Variants in STX8 observed in about 807,000 individuals in gnomAD.
STX8 encodes the protein syntaxin-8.
STX8 carries 23 observed loss-of-function variants against 37.5 expected under a neutral mutation model. The observed-to-expected ratio is 0.61, with a 90% confidence interval of 0.44 to 0.87. The LOEUF is 0.87. Ranked by LOEUF, STX8 falls within the 40% of genes least tolerant of loss-of-function variation. The pLI, the probability that STX8 is intolerant of heterozygous loss-of-function variation, is 0.00. For missense variants in STX8, 313 were observed against 284.7 expected, an observed-to-expected ratio of 1.10 and a Z score of -0.71; for synonymous variants, 115 against 99.1, an observed-to-expected ratio of 1.16 and a Z score of -0.95.
At chr17:9,491,777 C>T in intron 6 of STX8, 52 bp downstream of exon 6, 4 of 1,451,016 alleles carry the variant, frequency 2.8e-6, no homozygotes, top group Non-Finnish European at 3.8e-6. Context: ...ATGCTCAAGC[C>T]TTTAGTATTT....
At chr17:9,409,507 A>G (rs1180901201) in intron 6 of STX8, among the ~76,000 whole-genome samples, 2 of 152,178 alleles carry the variant, frequency 1.3e-5, no homozygotes, top group African/African-American at 4.8e-5. Context: ...CTAAACATTA[A>G]TTTTAGTTGT....
At chr17:9,508,459 C>T (rs1904916110) in intron 4 of STX8, among the ~76,000 whole-genome samples, 1 of 152,200 alleles carries the variant, frequency 6.6e-6, no homozygotes, top group South Asian at 2.1e-4. Flanking sequence ...TCCTGAGTAG[C>T]TGGGACTACA....
At chr17:9,387,698 A>G (rs1466470580) in intron 6 of STX8, among the ~76,000 whole-genome samples, 1 of 152,186 alleles carries the variant, frequency 6.6e-6, no homozygotes, top group Admixed American at 6.5e-5. Flanking sequence ...AGCTTGGTAC[A>G]CTGTTCTCAC....
intron 7 of STX8, among the ~76,000 whole-genome samples, chr17:9,375,324 CCAGCT>C (rs1450521883): frequency 6.6e-6 from 1 of 152,098 alleles, no homozygotes; most frequent in Non-Finnish European, 1.5e-5. Flanking sequence ...ACTTAAGAGT[CCAGCT>C]CAGAAGACAT....
intron 7 of STX8, among the ~76,000 whole-genome samples, chr17:9,260,432 G>T (rs11869191): frequency 0.52 from 78,580 of 151,996 alleles, 23,426 homozygotes; most frequent in African/African-American, 0.83. Context: ...GAGACCAGCC[G>T]GGCCAACATG....
chr17:9,555,651 C>CT lies in STX8; in HGVS notation c.212+1782dup, dbSNP rs1335100580. On this transcript the variant is annotated intron_variant, in intron 3 of 7. Coordinates refer to ENST00000306357, the MANE Select transcript of STX8 (RefSeq NM_004853.3). Reference sequence around the variant, plus strand: ...GTGGCTCACGCCTGTAATCCCACCACTTTGGGAGGCTGAGGCGGGCGGATT... The same window carrying CT: ...GTGGCTCACGCCTGTAATCCCACCACTTTTGGGAGGCTGAGGCGGGCGGATT... 4 of 152,228 alleles carry CT rather than the reference C, an allele frequency of 2.6e-5. No individual in the cohort carries two copies. The South Asian group carries it at 8.3e-4, about 32-fold the overall frequency. 9.4% of individuals were successfully genotyped at this position (152,228 alleles called of 1,614,324 possible). A position where few individuals can be genotyped will look rare whatever the true frequency, so the allele number is the denominator to read the frequency against.
chr17:9,342,980 C>T (rs923898700), intron 7 of STX8, among the ~76,000 whole-genome samples: 2 of 146,662 alleles, frequency 1.4e-5, no homozygotes, highest in Non-Finnish European at 3.0e-5. Flanking sequence ...AAGATTGTGC[C>T]ATTGCACTCC....
In STX8 at chr17:9,541,026, C is replaced by T. The variant is rs759733845; in HGVS notation, c.323+4146G>A. ...TGGGCATGAAGAGCAGAAGGCAGTC[C>T]CAGTGGCAGGACCCAAGAGGTCCTC... On this transcript the variant is annotated intron_variant, in intron 4 of 7. Coordinates refer to ENST00000306357, the MANE Select transcript of STX8 (RefSeq NM_004853.3). Among the ~76,000 whole-genome samples, 9 of 152,250 alleles carry T rather than the reference C, an allele frequency of 5.9e-5. 1 individual carries two copies. Among genetic ancestry groups the T allele is most frequent in the Non-Finnish European group, 1.3e-4 (9 of 68,024 alleles).
At chr17:9,547,937 TCCA>T (rs893177602) in intron 3 of STX8, among the ~76,000 whole-genome samples, 2 of 151,218 alleles carry the variant, frequency 1.3e-5, no homozygotes, top group African/African-American at 4.9e-5. Flanking sequence ...ATTACAGGTG[TCCA>T]CCACCACACC....
intron 7 of STX8, among the ~76,000 whole-genome samples, chr17:9,285,920 C>T (rs1249154753): frequency 6.6e-6 from 1 of 152,172 alleles, no homozygotes; most frequent in East Asian, 1.9e-4. Context: ...TTACTCAATA[C>T]TTCTGAAAAA....
chr17:9,545,695 C>A (rs1781462446), intron 3 of STX8, among the ~76,000 whole-genome samples: 1 of 152,200 alleles, frequency 6.6e-6, no homozygotes, highest in South Asian at 2.1e-4. Flanking sequence ...GTTCTCCTGC[C>A]TCAGCCTCCC....
chr17:9,299,001 C>G (rs949206846), intron 7 of STX8, among the ~76,000 whole-genome samples: 1 of 152,160 alleles, frequency 6.6e-6, no homozygotes, highest in Non-Finnish European at 1.5e-5. Context: ...ACTCACCTTC[C>G]CACCTGGTTT....
At chr17:9,391,016 CATATCAAAGTT>C (rs1305833220) in intron 6 of STX8, among the ~76,000 whole-genome samples, 12 of 152,212 alleles carry the variant, frequency 7.9e-5, no homozygotes, top group African/African-American at 2.6e-4. Flanking sequence ...TCATTATTAC[CATATCAAAGTT>C]AAGTTTCTTG....
chr17:9,424,832 G>A (rs891668259), intron 6 of STX8, among the ~76,000 whole-genome samples: 4 of 152,138 alleles, frequency 2.6e-5, no homozygotes, highest in Non-Finnish European at 4.4e-5. Context: ...TATATCTTCC[G>A]AGGATGCAAA....
intron 6 of STX8, among the ~76,000 whole-genome samples, chr17:9,414,069 T>C (rs60123812): frequency 1.7e-4 from 19 of 114,464 alleles, no homozygotes; most frequent in South Asian, 2.8e-4. Context: ...CATCCATCCA[T>C]CCACCCATCT....
At chr17:9,331,842 G>T (rs1420768929) in intron 7 of STX8, among the ~76,000 whole-genome samples, 1 of 151,792 alleles carries the variant, frequency 6.6e-6, no homozygotes, top group Non-Finnish European at 1.5e-5. Flanking sequence ...GCCCAGCAAC[G>T]TCTGGCAGAC....
chr17:9,464,208 G>T (rs1905514331), intron 6 of STX8, among the ~76,000 whole-genome samples: 1 of 152,222 alleles, frequency 6.6e-6, no homozygotes, highest in Non-Finnish European at 1.5e-5. Flanking sequence ...GGCAATTATT[G>T]TAAAGAGCAG....
chr17:9,320,898 C>CA (rs569712332), intron 7 of STX8, among the ~76,000 whole-genome samples: 7,061 of 78,458 alleles, frequency 0.09, 495 homozygotes, highest in African/African-American at 0.24. Flanking sequence ...GACTATTTTC[C>CA]AAAAAAAAAA....
At chr17:9,342,469 C>A (rs1045855224) in intron 7 of STX8, among the ~76,000 whole-genome samples, 1 of 152,130 alleles carries the variant, frequency 6.6e-6, no homozygotes, top group Non-Finnish European at 1.5e-5. Context: ...GCGTGCAAGA[C>A]ATGCTATGGC....
Sources: allele counts gnomAD v4.1 joint callset (sites outside exome capture counted in the v4.1 genomes callset), GRCh38; gene constraint gnomAD v4.1.1; transcripts MANE v1.5; gene names NCBI Gene and HGNC (gene_info 2026-07-23, HGNC 2026-07-21).